Variants in ADGRA3 observed in about 807,000 individuals in gnomAD.
ADGRA3 encodes G-protein coupled receptor 125.
ADGRA3 carries 56 observed loss-of-function variants against 119.8 expected under a neutral mutation model. The observed-to-expected ratio is 0.47, with a 90% CI of 0.38 to 0.58. ADGRA3 has a LOEUF of 0.58. Among genes scored for constraint, ADGRA3 ranks in the 20% least tolerant of loss-of-function variants. The pLI, the probability that ADGRA3 is intolerant of heterozygous loss-of-function variation, is 0.00. For synonymous variants in ADGRA3, 607 were observed against 623.8 expected, an observed-to-expected ratio of 0.97 and a Z score of 0.40; for missense variants, 1,516 against 1,649.0, an observed-to-expected ratio of 0.92 and a Z score of 1.40.
chr4:22,421,881 C>CAA lies in ADGRA3; in HGVS notation c.1606-794_1606-793dup, dbSNP rs754845592. Among the ~76,000 whole-genome samples the CAA allele has an allele frequency of 5.5e-3, 389 of 70,418 alleles. 34 individuals carry two copies. The highest frequency in any genetic ancestry group is 0.023 in the African/African-American group (355 of 15,632). The allele number at this position is 70,418 out of a possible 152,430, so 46.2% of individuals were successfully genotyped here. On this transcript the variant is annotated intron_variant, in intron 11 of 18. Coordinates refer to ENST00000334304, the MANE Select transcript of ADGRA3 (RefSeq NM_145290.4). Reference sequence around the variant, plus strand: ...GGACAACAGAGCAAGACTCAGTCTCCAAAAAAAAAAAAAAAAAAAAAAAAA... The same window carrying CAA: ...GGACAACAGAGCAAGACTCAGTCTCCAAAAAAAAAAAAAAAAAAAAAAAAAAA...
At chr4:22,428,991 G>C (rs1212036640) in intron 10 of ADGRA3, among the ~76,000 whole-genome samples, 1 of 152,098 alleles carries the variant, frequency 6.6e-6, no homozygotes, top group African/African-American at 2.4e-5. Context: ...AGGTCAAGAA[G>C]ATTATTGCAC....
At chr4:22,471,802 T>C (rs991248257) in intron 2 of ADGRA3, among the ~76,000 whole-genome samples, 1 of 152,158 alleles carries the variant, frequency 6.6e-6, no homozygotes, top group Non-Finnish European at 1.5e-5. Flanking sequence ...AGGAAGTATT[T>C]TGGGATTCGT....
chr4:22,492,744 A>T (rs1319525212), intron 1 of ADGRA3, among the ~76,000 whole-genome samples: 2 of 152,224 alleles, frequency 1.3e-5, no homozygotes, highest in Non-Finnish European at 2.9e-5. Context: ...TTTATTTTAC[A>T]GTAACAGTAG....
At chr4:22,409,585 A>T (rs1235424533) in intron 14 of ADGRA3, among the ~76,000 whole-genome samples, 1 of 152,194 alleles carries the variant, frequency 6.6e-6, no homozygotes, top group Non-Finnish European at 1.5e-5. Context: ...TGAGGCTGTT[A>T]TAAGAGCTGA....
intron 5 of ADGRA3, among the ~76,000 whole-genome samples, chr4:22,445,714 T>C (rs1337040850): frequency 1.3e-5 from 2 of 152,180 alleles, no homozygotes; most frequent in Non-Finnish European, 2.9e-5. Context: ...AGTGACACTA[T>C]AGATATTTAC....
chr4:22,442,476 C>T (rs1560319089), intron 7 of ADGRA3, among the ~76,000 whole-genome samples, 174 bp downstream of exon 7: 1 of 151,864 alleles, frequency 6.6e-6, no homozygotes, highest in Non-Finnish European at 1.5e-5. Context: ...GAAAAGATGG[C>T]TATTTAATTT....
At chr4:22,497,443 C>T (rs1333250063) in intron 1 of ADGRA3, among the ~76,000 whole-genome samples, 1 of 151,990 alleles carries the variant, frequency 6.6e-6, no homozygotes, top group African/African-American at 2.4e-5. Context: ...GGTCTACTCA[C>T]GGAGTTGGGG....
chr4:22,508,979 C>T (rs1409189625), intron 1 of ADGRA3, among the ~76,000 whole-genome samples: 2 of 151,964 alleles, frequency 1.3e-5, no homozygotes, highest in Non-Finnish European at 2.9e-5. Flanking sequence ...ACTGCCCTCA[C>T]GCCTGCCTTG....
At chr4:22,503,335 C>A (rs1719115015) in intron 1 of ADGRA3, among the ~76,000 whole-genome samples, 1 of 152,226 alleles carries the variant, frequency 6.6e-6, no homozygotes, top group Non-Finnish European at 1.5e-5. Context: ...GTCAATCTCT[C>A]TTTGCCTTTC....
At chr4:22,461,614 G>T (rs1272121625) in intron 3 of ADGRA3, 123 bp downstream of exon 3, 2 of 638,542 alleles carry the variant, frequency 3.1e-6, no homozygotes, top group Admixed American at 3.0e-5. Context: ...TCTGTATCAG[G>T]GACCTGGCCA....
At chr4:22,474,627 G>A (rs1229535249) in intron 1 of ADGRA3, among the ~76,000 whole-genome samples, 1 of 131,460 alleles carries the variant, frequency 7.6e-6, no homozygotes, top group Non-Finnish European at 1.7e-5. Flanking sequence ...GAATTGGGGA[G>A]TGGGAATATC....
chr4:22,467,400 A>T (rs1717699278), intron 2 of ADGRA3, among the ~76,000 whole-genome samples: 1 of 152,194 alleles, frequency 6.6e-6, no homozygotes. Flanking sequence ...TTTTATGAAA[A>T]AATTCAACCT....
At chr4:22,389,566 T>C (rs1006325589) in intron 17 of ADGRA3, among the ~76,000 whole-genome samples, 1 of 152,026 alleles carries the variant, frequency 6.6e-6, no homozygotes, top group Non-Finnish European at 1.5e-5. Flanking sequence ...GAAAAGTGCC[T>C]TAGTTCACAC....
At chr4:22,461,584 GC>G (rs1717457889) in intron 3 of ADGRA3, among the ~76,000 whole-genome samples, 152 bp downstream of exon 3, 1 of 152,226 alleles carries the variant, frequency 6.6e-6, no homozygotes, top group Non-Finnish European at 1.5e-5. Context: ...ACAGGCGTGA[GC>G]CACTGTGCCC....
intron 17 of ADGRA3, among the ~76,000 whole-genome samples, chr4:22,390,583 C>T (rs1368990517): frequency 6.6e-6 from 1 of 151,630 alleles, no homozygotes; most frequent in Non-Finnish European, 1.5e-5. Flanking sequence ...TCAGCTGTAC[C>T]CACTCACCAC....
chr4:22,455,910 G>T, intron 3 of ADGRA3: 1 of 859,460 alleles, frequency 1.2e-6, no homozygotes, highest in Non-Finnish European at 1.6e-6. Flanking sequence ...TGCTAGACTT[G>T]GAATAATTCA....
chr4:22,447,899 T>A (rs1286240952), intron 4 of ADGRA3, among the ~76,000 whole-genome samples: 2 of 152,028 alleles, frequency 1.3e-5, no homozygotes, highest in Admixed American at 1.3e-4. Context: ...ATTAAAACTT[T>A]AAAAAATAAC....
At chr4:22,401,120 C>T (rs1714618187) in intron 16 of ADGRA3, among the ~76,000 whole-genome samples, 1 of 152,116 alleles carries the variant, frequency 6.6e-6, no homozygotes. Flanking sequence ...GAAAATGTCA[C>T]TTCTCTTTCA....
chr4:22,468,605 C>T (rs10019485), intron 2 of ADGRA3, among the ~76,000 whole-genome samples: 1,846 of 151,950 alleles, frequency 0.012, 52 homozygotes, highest in African/African-American at 0.042. Flanking sequence ...CCCATCTCTA[C>T]CCAAAATACA....
Sources: gnomAD v4.1 joint callset for allele counts (sites outside exome capture counted in the v4.1 genomes callset) on GRCh38, gnomAD v4.1.1 for gene constraint, MANE v1.5 for transcripts, NCBI Gene and HGNC (gene_info 2026-07-23, HGNC 2026-07-21) for gene names.